PYROXD2: variants seen among roughly 807,000 people sequenced by gnomAD.
PYROXD2 encodes the protein pyridine nucleotide-disulfide oxidoreductase domain-containing protein 2.
Under a neutral mutation model 71.1 loss-of-function variants are expected in PYROXD2, and 69 were observed. The observed-to-expected ratio is 0.97, with a 90% CI of 0.80 to 1.19. The LOEUF is 1.19. Ranked by LOEUF, PYROXD2 falls within the 50% of genes most tolerant of loss-of-function variation. PYROXD2 has a pLI of 0.00. For missense variants in PYROXD2, 745 were observed against 748.9 expected (o/e 0.99, Z 0.06); for synonymous variants, 287 against 302.7 (o/e 0.95, Z 0.54).
intron 4 of PYROXD2, among the ~76,000 whole-genome samples, chr10:98,406,933 C>T (rs558928576): frequency 1.3e-5 from 2 of 150,398 alleles, no homozygotes; most frequent in East Asian, 3.9e-4. Context: ...ACGTGAGTGG[C>T]AGCTGCAGAT....
At chr10:98,391,312 C>T (rs562293861) in intron 10 of PYROXD2, among the ~76,000 whole-genome samples, 7 of 152,262 alleles carry the variant, frequency 4.6e-5, no homozygotes, top group African/African-American at 1.2e-4. Context: ...TGAAATAGTC[C>T]GCACCTCTCC....
chr10:98,391,800 G>A (rs145117073), intron 10 of PYROXD2, among the ~76,000 whole-genome samples: 222 of 152,262 alleles, frequency 1.5e-3, no homozygotes, highest in African/African-American at 5.0e-3. Context: ...TGCTGGAGGA[G>A]GACAGACACA....
At chr10:98,406,585 A>C (rs1843603393) in intron 4 of PYROXD2, among the ~76,000 whole-genome samples, 1 of 152,182 alleles carries the variant, frequency 6.6e-6, no homozygotes, top group South Asian at 2.1e-4. Context: ...AAAATTTTGA[A>C]TTTAGAGCAA....
At chr10:98,403,128 CG>C (rs1843474845) in intron 4 of PYROXD2, among the ~76,000 whole-genome samples, 2 of 152,178 alleles carry the variant, frequency 1.3e-5, no homozygotes, top group Non-Finnish European at 2.9e-5. Context: ...CCGATGCTGG[CG>C]GGGGCCGGGG....
At chr10:98,404,663 GGTGT>G (rs143963643) in intron 4 of PYROXD2, among the ~76,000 whole-genome samples, 3 of 151,868 alleles carry the variant, frequency 2.0e-5, no homozygotes, top group Non-Finnish European at 4.4e-5. Flanking sequence ...TGTTGGAAAG[GGTGT>G]GTGTGTGTGA....
intron 5 of PYROXD2, 80 bp downstream of exon 5, chr10:98,400,022 A>T: frequency 6.6e-7 from 1 of 1,519,640 alleles, no homozygotes; most frequent in South Asian, 1.3e-5. Flanking sequence ...CCTTTGAACA[A>T]TTGTTCTAGG....
At chr10:98,413,659 A>G (rs1430012740) in intron 1 of PYROXD2, among the ~76,000 whole-genome samples, 1 of 152,204 alleles carries the variant, frequency 6.6e-6, no homozygotes, top group Non-Finnish European at 1.5e-5. Context: ...GGTTGCAGTG[A>G]GCCGAGATTG....
intron 14 of PYROXD2, among the ~76,000 whole-genome samples, chr10:98,386,940 T>C (rs1253152455): frequency 6.6e-6 from 1 of 152,090 alleles, no homozygotes; most frequent in Non-Finnish European, 1.5e-5. Flanking sequence ...GCCAGCATAG[T>C]TGTCAAGGCA....
At position 98,383,752 on chromosome 10, in the gene PYROXD2, G is replaced by A. The variant is rs1564787862; in HGVS notation, c.*46C>T. The A allele has an allele frequency of 1.9e-6, 3 of 1,548,328 alleles. No individual in the cohort carries two copies. On this transcript the variant is annotated 3_prime_UTR_variant, in exon 16 of 16. Coordinates refer to ENST00000370575, the MANE Select transcript of PYROXD2 (RefSeq NM_032709.3). ...GGAAGCTGATCCAATGGAGCACTTG[G>A]AATTCAGGGGTGGAGTCTTCTTCCT...
Position 98,388,487 on chromosome 10 carries a change from G to A in PYROXD2, c.1314C>T (p.Ile438=), listed in dbSNP as rs1590933106. The A allele has an allele frequency of 6.2e-7, 1 of 1,609,700 alleles. No homozygotes were observed. The highest frequency in any genetic ancestry group is 2.2e-5 in the East Asian group (1 of 44,784). Residue 438 remains isoleucine (I), a synonymous_variant, in exon 13 of 16, where the codon ATC becomes ATT. Coordinates refer to ENST00000370575, the MANE Select transcript of PYROXD2 (RefSeq NM_032709.3). ...PSHRPVIELC[I]PSSLDPTLAP... Reference sequence around the variant, plus strand: ...CCAGGGTGGGGTCCAGCGAGGAAGGGATGCAGAGCTCAATCACAGGCCTGT... The same window carrying A: ...CCAGGGTGGGGTCCAGCGAGGAAGGAATGCAGAGCTCAATCACAGGCCTGT...
intron 15 of PYROXD2, among the ~76,000 whole-genome samples, chr10:98,384,080 TCCACAGC>T (rs1842673902): frequency 6.7e-6 from 1 of 150,334 alleles, no homozygotes; most frequent in Non-Finnish European, 1.5e-5. Context: ...AGGGGCCAGG[TCCACAGC>T]CCACAGTCTC....
At position 98,391,062 on chromosome 10, in the gene PYROXD2, G is replaced by GA. The variant is rs758761573; in HGVS notation, c.1082dup (p.Leu362ProfsTer50). ...TGTCCAGCTGAGAGATTCTCTCCAG[G>GA]AACTCCTCAGGAAGCCACTCCTGGA... On this transcript the variant is annotated frameshift_variant, in exon 11 of 16. Coordinates refer to ENST00000370575, the MANE Select transcript of PYROXD2 (RefSeq NM_032709.3). LOFTEE classifies it high-confidence loss of function. The GA allele has an allele frequency of 6.8e-5, 110 of 1,612,628 alleles. 1 individual carries two copies. The East Asian group carries it at 1.6e-3, about 24-fold the overall frequency.
At chr10:98,396,470 G>T (rs7908310) in intron 6 of PYROXD2, among the ~76,000 whole-genome samples, 1 of 149,894 alleles carries the variant, frequency 6.7e-6, no homozygotes, top group Non-Finnish European at 1.5e-5. Flanking sequence ...GGAAACAAAT[G>T]ATTTTTTTTC....
intron 1 of PYROXD2, among the ~76,000 whole-genome samples, chr10:98,413,575 G>A (rs893348767): frequency 5.3e-5 from 8 of 152,104 alleles, no homozygotes; most frequent in South Asian, 2.1e-4. Context: ...TTAGCCGGGC[G>A]TGGTGGTGGG....
chr10:98,386,210 G>A (rs2135913439), intron 14 of PYROXD2, among the ~76,000 whole-genome samples: 1 of 152,102 alleles, frequency 6.6e-6, no homozygotes, highest in Middle Eastern at 3.4e-3. Flanking sequence ...CAGCCCCAGA[G>A]GTCGAGGCTG....
At chr10:98,407,314 T>A (rs1843631321) in intron 4 of PYROXD2, among the ~76,000 whole-genome samples, 1 of 152,190 alleles carries the variant, frequency 6.6e-6, no homozygotes, top group African/African-American at 2.4e-5. Context: ...GTGTCCCACG[T>A]GGGCCTGAGG....
At chr10:98,409,264 T>C (rs12259939) in intron 2 of PYROXD2, among the ~76,000 whole-genome samples, 54,874 of 151,972 alleles carry the variant, frequency 0.36, 11,026 homozygotes, top group African/African-American at 0.53. Context: ...TGACTGCTAC[T>C]TCTTTATCAA....
At chr10:98,390,472 G>T (rs2135936380) in intron 12 of PYROXD2, 126 bp downstream of exon 12, 2 of 1,113,070 alleles carry the variant, frequency 1.8e-6, no homozygotes, top group East Asian at 5.2e-5. Flanking sequence ...TATGGATTTT[G>T]GCAGATCCTA....
At chr10:98,408,180 A>C (rs1843675028) in intron 2 of PYROXD2, among the ~76,000 whole-genome samples, 183 bp from the exon 3 acceptor site, 1 of 150,962 alleles carries the variant, frequency 6.6e-6, no homozygotes, top group East Asian at 2.0e-4. Context: ...TTCCCTTTCC[A>C]CCCTCGCCTT....
Sources: gnomAD v4.1 joint callset for allele counts (sites outside exome capture counted in the v4.1 genomes callset) on GRCh38, gnomAD v4.1.1 for gene constraint, MANE v1.5 for transcripts, NCBI Gene and HGNC (gene_info 2026-07-23, HGNC 2026-07-21) for gene names.